The following MACROD2 variants were observed in gnomAD, a reference collection of about 807,000 sequenced individuals.
MACROD2 encodes the protein mono-ADP ribosylhydrolase 2.
Under a neutral mutation model 70.4 loss-of-function variants are expected in MACROD2, and 36 were observed. The observed-to-expected ratio is 0.51, with a 90% confidence interval of 0.39 to 0.68. The LOEUF is 0.68. Among genes scored for constraint, MACROD2 ranks in the 30% least tolerant of loss-of-function variants. MACROD2 has a pLI of 0.00. For synonymous variants in MACROD2, 172 were observed against 178.8 expected (o/e 0.96, Z 0.30); for missense variants, 496 against 538.4 (o/e 0.92, Z 0.78).
At chr20:14,597,390 G>C (rs1982213910) in intron 4 of MACROD2, among the ~76,000 whole-genome samples, 1 of 152,080 alleles carries the variant, frequency 6.6e-6, no homozygotes, top group African/African-American at 2.4e-5. Flanking sequence ...AAATACAATA[G>C]TGTTTTTGAA....
chr20:14,271,886 G>C (rs2082199554), intron 3 of MACROD2, among the ~76,000 whole-genome samples: 2 of 152,166 alleles, frequency 1.3e-5, no homozygotes, highest in Non-Finnish European at 2.9e-5. Flanking sequence ...CTGGAAGAAA[G>C]GGTATCAGTG....
chr20:14,096,405 C>T lies in MACROD2; in HGVS notation c.271+10677C>T, dbSNP rs1160945184. Among the ~76,000 whole-genome samples the T allele has an allele frequency of 2.3e-5, 3 of 127,786 alleles. No individual in the cohort carries two copies. In the East Asian group the frequency reaches 7.1e-4, roughly 30 times the overall value. 83.8% of individuals were successfully genotyped at this position (127,786 alleles called of 152,430 possible). A position where few individuals can be genotyped will look rare whatever the true frequency, so the allele number is the denominator to read the frequency against. On this transcript the variant is annotated intron_variant, in intron 3 of 17. Transcript: ENST00000684519. ...TTTTTGAGACAGAGTCTTGCTCTGT[C>T]ACCCAGGTTGGAGTGCAGTGGCACA...
intron 3 of MACROD2, among the ~76,000 whole-genome samples, chr20:14,205,523 C>T (rs2081515836): frequency 6.6e-6 from 1 of 152,208 alleles, no homozygotes. Context: ...TCCACCCCAC[C>T]CTTCCGGTGC....
chr20:14,061,298 G>A (rs1257057344), intron 2 of MACROD2, among the ~76,000 whole-genome samples: 1 of 152,062 alleles, frequency 6.6e-6, no homozygotes, highest in African/African-American at 2.4e-5. Context: ...TTTGTTTAAA[G>A]TTCTTTTTAA....
At chr20:14,271,150 A>G (rs2082191167) in intron 3 of MACROD2, among the ~76,000 whole-genome samples, 1 of 152,230 alleles carries the variant, frequency 6.6e-6, no homozygotes, top group African/African-American at 2.4e-5. Context: ...TGATTCTCCC[A>G]GCACACAGCT....
chr20:15,447,049 T>C (rs1600422873), intron 7 of MACROD2, among the ~76,000 whole-genome samples: 1 of 106,174 alleles, frequency 9.4e-6, no homozygotes, highest in Non-Finnish European at 2.1e-5. Flanking sequence ...CCTAAGAGTG[T>C]GCGTGTGTGT....
At chr20:14,695,353 T>C (rs1257595939) in intron 5 of MACROD2, among the ~76,000 whole-genome samples, 1 of 152,182 alleles carries the variant, frequency 6.6e-6, no homozygotes, top group Admixed American at 6.5e-5. Flanking sequence ...TTCTCTTCTC[T>C]TATAAGGACA....
At chr20:15,262,315 C>T (rs1237499698) in intron 6 of MACROD2, among the ~76,000 whole-genome samples, 1 of 152,000 alleles carries the variant, frequency 6.6e-6, no homozygotes, top group Admixed American at 6.6e-5. Context: ...CTTTCTGTGC[C>T]TGGCTTATTT....
chr20:15,252,637 A>G (rs1490209046), intron 6 of MACROD2, among the ~76,000 whole-genome samples: 4 of 152,200 alleles, frequency 2.6e-5, no homozygotes, highest in African/African-American at 7.2e-5. Flanking sequence ...AAAGGTATCA[A>G]ATACTTGTGA....
intron 7 of MACROD2, among the ~76,000 whole-genome samples, chr20:15,438,868 A>G (rs1364279037): frequency 2.0e-5 from 3 of 152,354 alleles, no homozygotes; most frequent in African/African-American, 7.2e-5. Context: ...CTGAAGATAT[A>G]GAAATCAGAA....
chr20:14,352,071 A>G (rs2083127964), intron 3 of MACROD2, among the ~76,000 whole-genome samples: 1 of 152,216 alleles, frequency 6.6e-6, no homozygotes, highest in Non-Finnish European at 1.5e-5. Flanking sequence ...TCCCAGGGAT[A>G]AACCCCACTT....
intron 3 of MACROD2, among the ~76,000 whole-genome samples, chr20:14,180,481 C>T (rs2081296945): frequency 6.6e-6 from 1 of 151,966 alleles, no homozygotes; most frequent in African/African-American, 2.4e-5. Context: ...AGTATAATTG[C>T]TGAGATTTTC....
chr20:14,183,066 G>C (rs553004568), intron 3 of MACROD2, among the ~76,000 whole-genome samples: 26,253 of 146,058 alleles, frequency 0.18, 2,528 homozygotes, highest in South Asian at 0.24. Context: ...TAACCTATTT[G>C]TTACATAGGT....
chr20:14,368,105 T>G (rs933526459), intron 3 of MACROD2, among the ~76,000 whole-genome samples: 8 of 152,232 alleles, frequency 5.3e-5, no homozygotes, highest in South Asian at 2.1e-4. Flanking sequence ...GCTGATTTCC[T>G]TTAGCTCTTT....
At chr20:14,939,738 A>G (rs1441740545) in intron 5 of MACROD2, among the ~76,000 whole-genome samples, 3 of 152,016 alleles carry the variant, frequency 2.0e-5, no homozygotes, top group East Asian at 1.9e-4. Context: ...TTATTTTTAT[A>G]TTTAATTCTT....
intron 6 of MACROD2, among the ~76,000 whole-genome samples, chr20:15,367,835 C>CA (rs2045433588): frequency 6.6e-6 from 1 of 151,914 alleles, no homozygotes; most frequent in African/African-American, 2.4e-5. Flanking sequence ...ACGTTAGAAG[C>CA]AATTTCAGTA....
At chr20:14,253,506 A>AT (rs1212677090) in intron 3 of MACROD2, among the ~76,000 whole-genome samples, 2 of 151,986 alleles carry the variant, frequency 1.3e-5, no homozygotes, top group Non-Finnish European at 2.9e-5. Flanking sequence ...TACTTTGGAT[A>AT]TTTTCTAAGA....
chr20:14,439,140 A>G (rs1369760444), intron 3 of MACROD2, among the ~76,000 whole-genome samples: 5 of 152,096 alleles, frequency 3.3e-5, no homozygotes, highest in African/African-American at 7.2e-5. Flanking sequence ...TTTTTGTAGC[A>G]CTATTTGTTG....
intron 5 of MACROD2, among the ~76,000 whole-genome samples, chr20:15,213,130 A>G (rs946917042): frequency 3.9e-5 from 6 of 152,336 alleles, no homozygotes; most frequent in Middle Eastern, 3.4e-3. Context: ...AGCCCATGCT[A>G]CACTGCTACC....
Sources: allele counts gnomAD v4.1 joint callset (sites outside exome capture counted in the v4.1 genomes callset), GRCh38; gene constraint gnomAD v4.1.1; transcripts MANE v1.5; gene names NCBI Gene and HGNC (gene_info 2026-07-23, HGNC 2026-07-21).